UTP14C: variants seen among roughly 807,000 people sequenced by gnomAD.
UTP14C encodes the protein UTP14C small subunit processome component.
Under a neutral mutation model 14.6 loss-of-function variants are expected in UTP14C, and 10 were observed. The ratio of observed to expected loss-of-function variants is 0.68; its 90% CI spans 0.42 to 1.16. The LOEUF is 1.16. Among genes scored for constraint, UTP14C ranks in the 50% most tolerant of loss-of-function variants. UTP14C has a pLI of 0.00. For synonymous variants in UTP14C, 315 were observed against 331.6 expected (o/e 0.95, Z 0.54); for missense variants, 818 against 890.8 (o/e 0.92, Z 1.04).
intron 1 of UTP14C, 44 bp downstream of exon 1, chr13:52,024,981 A>G: frequency 6.4e-7 from 1 of 1,557,904 alleles, no homozygotes; most frequent in Non-Finnish European, 8.8e-7. Flanking sequence ...CATGAGATAC[A>G]CATTTTAAGT....
Position 52,029,415 on chromosome 13 carries a change from C to T in UTP14C, c.611C>T (p.Thr204Ile), listed in dbSNP as rs1424563806. The T allele has an allele frequency of 6.2e-7, 1 of 1,614,156 alleles. No individual in the cohort carries two copies. Among genetic ancestry groups the T allele is most frequent in the Non-Finnish European group, 8.5e-7 (1 of 1,180,036 alleles). Residue 204 changes from threonine (T) to isoleucine (I), a missense_variant, in exon 2 of 2, where the codon ACT becomes ATT. Coordinates refer to ENST00000521776, the MANE Select transcript of UTP14C (RefSeq NM_021645.6). Reference sequence around the variant, plus strand: ...CAGCCAGTGACAGATCCTTTACTGACTCCCATGGAAAAGGCCTCTCTCCAA... The same window carrying T: ...CAGCCAGTGACAGATCCTTTACTGATTCCCATGGAAAAGGCCTCTCTCCAA... ...NKQPVTDPLLTPMEKASLQAM... is the reference protein window; with the variant it reads ...NKQPVTDPLLIPMEKASLQAM...
chr13:52,031,173 C>T lies in UTP14C; in HGVS notation c.*68C>T, dbSNP rs187859899. 1 of 1,526,452 alleles carries T rather than the reference C, an allele frequency of 6.6e-7. No homozygotes were observed. The highest frequency in any genetic ancestry group is 2.3e-5 in the East Asian group (1 of 44,154). 94.6% of individuals were successfully genotyped at this position (1,526,452 alleles called of 1,614,324 possible). A position where few individuals can be genotyped will look rare whatever the true frequency, so the allele number is the denominator to read the frequency against. ...CTTCCTTTGGTCCAGTTTTACTCTG[C>T]TACAGGGTGGATTCCAAAACTGGCT... On this transcript the variant is annotated 3_prime_UTR_variant, in exon 2 of 2. Coordinates refer to ENST00000521776, the MANE Select transcript of UTP14C (RefSeq NM_021645.6).
intron 1 of UTP14C, 99 bp downstream of exon 1, chr13:52,025,036 T>G: frequency 7.5e-7 from 1 of 1,335,972 alleles, no homozygotes; most frequent in South Asian, 1.2e-5. Flanking sequence ...CATCATGCCC[T>G]AATTCTCTTG....
Position 52,030,078 on chromosome 13 carries a change from G to A in UTP14C, c.1274G>A (p.Arg425Lys), listed in dbSNP as rs1954283400. The change falls in exon 2 of 2, where the codon AGG becomes AAG. Residue 425 changes from arginine to lysine, a missense_variant. Transcript: ENST00000521776. ...EEILLREFEE[R>K]QSLRKRSELN... Reference sequence around the variant, plus strand: ...ATTTTGTTGAGAGAATTTGAGGAAAGGCAATCCCTTAGAAAAAGATCTGAG... The same window carrying A: ...ATTTTGTTGAGAGAATTTGAGGAAAAGCAATCCCTTAGAAAAAGATCTGAG... 2 of 1,614,056 alleles carry A rather than the reference G, an allele frequency of 1.2e-6. No homozygotes were observed. The highest frequency in any genetic ancestry group is 1.7e-6 in the Non-Finnish European group (2 of 1,180,044).
chr13:52,029,596 A>T lies in UTP14C; in HGVS notation c.792A>T (p.Leu264Phe). 1.2e-6 allele frequency: 2 copies of T among 1,614,254 alleles called. No homozygotes were observed. Among genetic ancestry groups the T allele is most frequent in the Non-Finnish European group, 1.7e-6 (2 of 1,180,048 alleles). The change falls in exon 2 of 2, where the codon TTA (leucine) becomes TTT (phenylalanine). Residue 264 changes from leucine (L) to phenylalanine (F), a missense_variant. Physicochemically the swap from Leu to Phe is conservative, Grantham distance 22. Transcript: ENST00000521776. The part of the protein sequence containing the change: ...VVKKGKAKKA[L>F]KEFEQLQKVN... ...AGAAAGGAAAGGCCAAGAAAGCCTT[A>T]AAAGAGTTTGAGCAGCTACAGAAGG...
rs17402034 is a variant in UTP14C, at chr13:52,029,760, G to A, written c.956G>A (p.Arg319His). 0.095 allele frequency: 153,628 copies of A among 1,614,142 alleles called. 8,757 individuals carry two copies. Among genetic ancestry groups the A allele is most frequent in the Non-Finnish European group, 0.12 (137,155 of 1,180,012 alleles). ...AIMAKYDLEA[R>H]QAMQEQLAKN... ...ATGGCCAAATATGACCTGGAGGCTC[G>A]CCAAGCTATGCAGGAACAGTTGGCC... Residue 319 changes from arginine to histidine, a missense_variant, in exon 2 of 2, where the codon CGC (arginine) becomes CAC (histidine). Physicochemically the swap from Arg to His is conservative, Grantham distance 29. Transcript: ENST00000521776.
Position 52,028,754 on chromosome 13 carries a change from C to T in UTP14C, c.-51C>T. The T allele has an allele frequency of 6.2e-7, 1 of 1,612,978 alleles. No homozygotes were observed. Among genetic ancestry groups the T allele is most frequent in the Non-Finnish European group, 8.5e-7 (1 of 1,179,114 alleles). ...GAAGTGTTGAAAAGAAAATGGATGACTAGCCTTCGGCTTCCATTCTTGGTA... is the reference window on the plus strand; with the variant it reads ...GAAGTGTTGAAAAGAAAATGGATGATTAGCCTTCGGCTTCCATTCTTGGTA... On this transcript the variant is annotated 5_prime_UTR_variant, in exon 2 of 2. Coordinates refer to ENST00000521776, the MANE Select transcript of UTP14C (RefSeq NM_021645.6).
In UTP14C at chr13:52,024,911, C is replaced by T; in HGVS notation, c.-513C>T. ...TCTGAAGCAACAATTGGTCTGCATA[C>T]CATGTGGAACGAGCATTTTGGGATT... On this transcript the variant is annotated 5_prime_UTR_variant, in exon 1 of 2. Coordinates refer to ENST00000521776, the MANE Select transcript of UTP14C (RefSeq NM_021645.6). 1 of 1,611,154 alleles carries T rather than the reference C, an allele frequency of 6.2e-7. No homozygotes were observed. The highest frequency in any genetic ancestry group is 8.5e-7 in the Non-Finnish European group (1 of 1,180,002).
chr13:52,028,957 C>T lies in UTP14C; in HGVS notation c.153C>T (p.Ser51=). The change falls in exon 2 of 2, where the codon TCC becomes TCT. Residue 51 remains serine, a synonymous_variant. Transcript: ENST00000521776. Reference sequence around the variant, plus strand: ...AAAAGCTTCTGGAAGCAATCATTTCCCTTGATGGAAAGAATAGGCGGAAAT... The same window carrying T: ...AAAAGCTTCTGGAAGCAATCATTTCTCTTGATGGAAAGAATAGGCGGAAAT... The part of the protein sequence containing the change: ...KHQKLLEAII[S]LDGKNRRKLA... 1.9e-6 allele frequency: 3 copies of T among 1,614,196 alleles called. No individual in the cohort carries two copies. The highest frequency in any genetic ancestry group is 2.5e-6 in the Non-Finnish European group (3 of 1,180,044).
rs532658535 is a variant in UTP14C, at chr13:52,029,816, G to A, written c.1012G>A (p.Val338Ile). ...CAAAGAACTGACACAGAAACTCCAG[G>A]TAGCCTCTGAGAGTGAGGAAGAGGA... ...KNKELTQKLQVASESEEEEGG... is the reference protein window; with the variant it reads ...KNKELTQKLQIASESEEEEGG... The change falls in exon 2 of 2, where the codon GTA becomes ATA. Residue 338 changes from valine (V) to isoleucine (I), a missense_variant. Transcript: ENST00000521776. The A allele has an allele frequency of 3.7e-6, 6 of 1,614,238 alleles. No homozygotes were observed. In the South Asian group the frequency reaches 6.6e-5, roughly 18 times the overall value.
Position 52,028,877 on chromosome 13 carries a change from T to C in UTP14C, c.73T>C (p.Tyr25His). The C allele has an allele frequency of 6.2e-7, 1 of 1,614,168 alleles. No homozygotes were observed. Among genetic ancestry groups the C allele is most frequent in the Admixed American group, 1.7e-5 (1 of 60,028 alleles). Residue 25 changes from tyrosine (Y) to histidine (H), a missense_variant, in exon 2 of 2, where the codon TAC becomes CAC. Physicochemically the swap from Tyr to His is moderately conservative, Grantham distance 83. Coordinates refer to ENST00000521776, the MANE Select transcript of UTP14C (RefSeq NM_021645.6). ...QEELVDLPKNYPLSENEDEGD... is the reference protein window; with the variant it reads ...QEELVDLPKNHPLSENEDEGD... Reference sequence around the variant, plus strand: ...AGAACTAGTGGATTTGCCAAAAAACTACCCCTTGAGTGAAAATGAAGATGA... The same window carrying C: ...AGAACTAGTGGATTTGCCAAAAAACCACCCCTTGAGTGAAAATGAAGATGA...
chr13:52,025,091 A>G (rs1387810765), intron 1 of UTP14C, among the ~76,000 whole-genome samples, 154 bp downstream of exon 1: 1 of 152,170 alleles, frequency 6.6e-6, no homozygotes, highest in African/African-American at 2.4e-5. Context: ...ACCTTGTAAG[A>G]TAGTAGTTAA....
chr13:52,029,784 C>T lies in UTP14C; in HGVS notation c.980C>T (p.Ala327Val). Reference protein sequence around the residue: ...EARQAMQEQLAKNKELTQKLQ... With the variant: ...EARQAMQEQLVKNKELTQKLQ... ...CGCCAAGCTATGCAGGAACAGTTGG[C>T]CAAGAACAAAGAACTGACACAGAAA... is the stretch of plus-strand genomic sequence containing the variant. Residue 327 changes from alanine (A) to valine (V), a missense_variant, in exon 2 of 2, where the codon GCC becomes GTC. By Grantham distance (64) the Ala-to-Val change is moderately conservative (BLOSUM62 0). Transcript: ENST00000521776. 6.2e-7 allele frequency: 1 copy of T among 1,614,120 alleles called. No homozygotes were observed. Among genetic ancestry groups the T allele is most frequent in the African/African-American group, 1.3e-5 (1 of 75,018 alleles).
chr13:52,029,033 T>C lies in UTP14C; in HGVS notation c.229T>C (p.Ser77Pro). 1 of 1,614,236 alleles carries C rather than the reference T, an allele frequency of 6.2e-7. No individual in the cohort carries two copies. ...GAAAGTGTCAGAGTTCAGTGTCAGT[T>C]CTGAAGGATCAGGAGAAAAGCTGGG... ...SLKVSEFSVSSEGSGEKLGLA... is the reference protein window; with the variant it reads ...SLKVSEFSVSPEGSGEKLGLA... Residue 77 changes from serine to proline, a missense_variant, in exon 2 of 2, where the codon TCT becomes CCT. Ser to Pro is a moderately conservative substitution (Grantham distance 74, BLOSUM62 -1). Transcript: ENST00000521776.
chr13:52,032,248 T>G lies in UTP14C; in HGVS notation c.*1143T>G, dbSNP rs762236385. On this transcript the variant is annotated 3_prime_UTR_variant, in exon 2 of 2. Coordinates refer to ENST00000521776, the MANE Select transcript of UTP14C (RefSeq NM_021645.6). ...AAAAGAAAAAAAGGAAAAAGAAAAT[T>G]ATGAGAGTTACTTAAAGGTAACATC... 1.2e-5 allele frequency: 2 copies of G among 164,894 alleles called. No homozygotes were observed. The highest frequency in any genetic ancestry group is 2.4e-5 in the African/African-American group (1 of 41,440). 10.2% of individuals were successfully genotyped at this position (164,894 alleles called of 1,614,324 possible).
chr13:52,027,236 TTATC>T (rs1954249970), intron 1 of UTP14C, among the ~76,000 whole-genome samples: 1 of 152,018 alleles, frequency 6.6e-6, no homozygotes, highest in South Asian at 2.1e-4. Flanking sequence ...TTCAGTAAGT[TTATC>T]TGTGAAGTAC....
Position 52,031,361 on chromosome 13 carries a change from G to C in UTP14C, c.*256G>C. The stretch of plus-strand genomic sequence containing the variant: ...GATGACCCTTTTGAATATACCTAAT[G>C]ATTTCCTTAAAAAAGAAATTTTAAA... On this transcript the variant is annotated 3_prime_UTR_variant, in exon 2 of 2. Transcript: ENST00000521776. 1 of 497,622 alleles carries C rather than the reference G, an allele frequency of 2.0e-6. No individual in the cohort carries two copies. The allele number at this position is 497,622 out of a possible 1,614,324, so 30.8% of individuals were successfully genotyped here. A position where few individuals can be genotyped will look rare whatever the true frequency, so the allele number is the denominator to read the frequency against.
rs934919403 is a variant in UTP14C at position 52,032,411 on chromosome 13, A to G, written c.*1306A>G. 1 of 167,098 alleles carries G rather than the reference A, an allele frequency of 6.0e-6. No homozygotes were observed. Among genetic ancestry groups the G allele is most frequent in the Non-Finnish European group, 1.5e-5 (1 of 68,126 alleles). 10.4% of individuals were successfully genotyped at this position (167,098 alleles called of 1,614,324 possible). ...CCTGAATAACTAGCATGGAAAAGTG[A>G]ATATATGTGTGAGCAGATATGGCTA... is the stretch of plus-strand genomic sequence containing the variant. On this transcript the variant is annotated 3_prime_UTR_variant, in exon 2 of 2. Transcript: ENST00000521776.
In UTP14C at chr13:52,029,281, C is replaced by T. The variant is rs756521491; in HGVS notation, c.477C>T (p.Pro159=). ...AGCAGGCAGAGCAGCTGGTTTTTCC[C>T]CTGGGGAAGGAGCAGCCAGCCATTG... ...KNQQAEQLVF[P]LGKEQPAIAP... Residue 159 remains proline, a synonymous_variant, in exon 2 of 2, where the codon CCC becomes CCT. Coordinates refer to ENST00000521776, the MANE Select transcript of UTP14C (RefSeq NM_021645.6). The T allele has an allele frequency of 5.0e-5, 81 of 1,614,026 alleles. No individual in the cohort carries two copies. Among genetic ancestry groups the T allele is most frequent in the Middle Eastern group, 1.6e-4 (1 of 6,084 alleles).
Sources: gnomAD v4.1 joint callset for allele counts (sites outside exome capture counted in the v4.1 genomes callset) on GRCh38, gnomAD v4.1.1 for gene constraint, MANE v1.5 for transcripts, NCBI Gene and HGNC (gene_info 2026-07-23, HGNC 2026-07-21) for gene names.